Variants in KCND2 observed in about 807,000 individuals in gnomAD.
KCND2 encodes A-type voltage-gated potassium channel KCND2.
A neutral mutation model predicts 54.4 loss-of-function variants in KCND2; 16 were observed. The observed-to-expected ratio is 0.29, with a 90% CI of 0.20 to 0.45. The LOEUF (loss-of-function observed/expected upper bound fraction) is 0.45, where lower values mean the gene tolerates loss of function less well. Ranked by LOEUF, KCND2 falls within the 20% of genes least tolerant of loss-of-function variation. The pLI is 1.00. For synonymous variants in KCND2, 317 were observed against 310.7 expected (o/e 1.02, Z -0.21); for missense variants, 486 against 824.2 (o/e 0.59, Z 5.02).
chr7:120,554,394 A>G (rs891745530), intron 1 of KCND2, among the ~76,000 whole-genome samples: 1 of 151,506 alleles, frequency 6.6e-6, no homozygotes, highest in African/African-American at 2.4e-5. Flanking sequence ...GGTGCTGAGA[A>G]TTTACTTTTT....
chr7:120,315,428 A>G (rs1196891126), intron 1 of KCND2, among the ~76,000 whole-genome samples: 2 of 152,178 alleles, frequency 1.3e-5, no homozygotes, highest in African/African-American at 2.4e-5. Context: ...CTTTAGGGTA[A>G]CACAGTGGAA....
chr7:120,368,530 A>G lies in KCND2; in HGVS notation c.1115+92783A>G, dbSNP rs551890824. Among the ~76,000 whole-genome samples the G allele has an allele frequency of 2.0e-5, 3 of 152,238 alleles. No homozygotes were observed. In the South Asian group the frequency reaches 6.2e-4, roughly 32 times the overall value. ...TTCTAAAAGTGACTTTTCTCTACCA[A>G]TGGAAATCTGATTGTAAGTTAAAAA... On this transcript the variant is annotated intron_variant, in intron 1 of 5. Transcript: ENST00000331113.
chr7:120,664,707 A>G (rs1009084951), intron 1 of KCND2, among the ~76,000 whole-genome samples: 10 of 152,210 alleles, frequency 6.6e-5, no homozygotes, highest in South Asian at 4.1e-4. Flanking sequence ...AACAGAATTT[A>G]TGAACCCTTG....
intron 1 of KCND2, among the ~76,000 whole-genome samples, chr7:120,469,909 A>C (rs558632699): frequency 7.4e-4 from 112 of 152,288 alleles, no homozygotes; most frequent in Middle Eastern, 6.8e-3. Flanking sequence ...ATCTCCTATT[A>C]GTAGCATAAA....
chr7:120,456,422 A>T (rs544007746), intron 1 of KCND2, among the ~76,000 whole-genome samples: 1 of 152,240 alleles, frequency 6.6e-6, no homozygotes, highest in African/African-American at 2.4e-5. Flanking sequence ...GGCACTTTAA[A>T]CTTCAATTCA....
intron 4 of KCND2, among the ~76,000 whole-genome samples, chr7:120,743,675 G>A (rs970107759): frequency 1.3e-5 from 2 of 152,112 alleles, no homozygotes; most frequent in African/African-American, 4.8e-5. Flanking sequence ...GGGCTAACAG[G>A]TGATACAAGT....
intron 1 of KCND2, among the ~76,000 whole-genome samples, chr7:120,507,790 C>A (rs946768511): frequency 6.6e-6 from 1 of 151,712 alleles, no homozygotes; most frequent in African/African-American, 2.4e-5. Context: ...TTTAGATTTT[C>A]TTTGCTTACA....
At chr7:120,700,603 G>A (rs1706634884) in intron 1 of KCND2, among the ~76,000 whole-genome samples, 1 of 152,060 alleles carries the variant, frequency 6.6e-6, no homozygotes. Flanking sequence ...TCAAACTTTG[G>A]AGAATTTAAA....
chr7:120,553,736 G>A (rs974588750), intron 1 of KCND2, among the ~76,000 whole-genome samples: 29 of 152,168 alleles, frequency 1.9e-4, no homozygotes, highest in African/African-American at 6.3e-4. Flanking sequence ...AAATGAAGAT[G>A]ATTCTCATAA....
At chr7:120,682,627 CA>C (rs1362399255) in intron 1 of KCND2, among the ~76,000 whole-genome samples, 1 of 152,056 alleles carries the variant, frequency 6.6e-6, no homozygotes, top group African/African-American at 2.4e-5. Flanking sequence ...TGTACTGCAA[CA>C]TTATACAGTG....
chr7:120,533,477 A>G (rs1196318757), intron 1 of KCND2, among the ~76,000 whole-genome samples: 2 of 152,102 alleles, frequency 1.3e-5, no homozygotes, highest in Non-Finnish European at 2.9e-5. Flanking sequence ...CCCTGTTTTT[A>G]TGGTATATGA....
chr7:120,509,991 C>T (rs570351199), intron 1 of KCND2, among the ~76,000 whole-genome samples: 1 of 152,020 alleles, frequency 6.6e-6, no homozygotes, highest in Non-Finnish European at 1.5e-5. Flanking sequence ...CCACAAGACC[C>T]TACAGGAAGC....
At chr7:120,600,425 A>G (rs1156247040) in intron 1 of KCND2, among the ~76,000 whole-genome samples, 1 of 152,024 alleles carries the variant, frequency 6.6e-6, no homozygotes, top group Non-Finnish European at 1.5e-5. Flanking sequence ...TAAAATCTTA[A>G]AACGTGTCTC....
At chr7:120,523,684 G>GAT (rs1256153226) in intron 1 of KCND2, among the ~76,000 whole-genome samples, 2 of 134,996 alleles carry the variant, frequency 1.5e-5, no homozygotes, top group African/African-American at 6.1e-5. Flanking sequence ...TTTATACACA[G>GAT]ATATACACAC....
intron 1 of KCND2, among the ~76,000 whole-genome samples, chr7:120,592,683 G>A (rs1792686608): frequency 6.6e-6 from 1 of 152,182 alleles, no homozygotes; most frequent in Admixed American, 6.5e-5. Context: ...GCATGCCTCA[G>A]CCTTTGTTCA....
At chr7:120,703,722 T>C (rs923261430) in intron 1 of KCND2, among the ~76,000 whole-genome samples, 1 of 152,156 alleles carries the variant, frequency 6.6e-6, no homozygotes, top group African/African-American at 2.4e-5. Context: ...GAAATGCTGA[T>C]ACATTGCAGG....
At chr7:120,629,892 G>T (rs987998089) in intron 1 of KCND2, among the ~76,000 whole-genome samples, 1 of 152,162 alleles carries the variant, frequency 6.6e-6, no homozygotes, top group African/African-American at 2.4e-5. Flanking sequence ...GTCTGGTTTT[G>T]AATATATAGA....
At chr7:120,569,773 G>A (rs1792340255) in intron 1 of KCND2, among the ~76,000 whole-genome samples, 2 of 152,056 alleles carry the variant, frequency 1.3e-5, no homozygotes, top group Non-Finnish European at 1.5e-5. Flanking sequence ...ATTTCTCTAA[G>A]ATGCTTTTGT....
chr7:120,487,123 C>T (rs578071241), intron 1 of KCND2, among the ~76,000 whole-genome samples: 2 of 152,152 alleles, frequency 1.3e-5, no homozygotes, highest in African/African-American at 4.8e-5. Context: ...CTGGCTCCCC[C>T]CAATGCCTGG....
Sources: gnomAD v4.1 joint callset for allele counts (sites outside exome capture counted in the v4.1 genomes callset) on GRCh38, gnomAD v4.1.1 for gene constraint, MANE v1.5 for transcripts, NCBI Gene and HGNC (gene_info 2026-07-23, HGNC 2026-07-21) for gene names.